Variants in WDR37 observed in about 807,000 individuals in gnomAD.
WDR37 encodes WD repeat domain 37.
Under a neutral mutation model 62.9 loss-of-function variants are expected in WDR37, and 19 were observed. The ratio of observed to expected loss-of-function variants is 0.30; its 90% confidence interval spans 0.21 to 0.44. WDR37 has a LOEUF of 0.44. Ranked by LOEUF, WDR37 falls within the 20% of genes least tolerant of loss-of-function variation. The pLI is 1.00. For synonymous variants in WDR37, 250 were observed against 260.9 expected, an observed-to-expected ratio of 0.96 and a Z score of 0.40; for missense variants, 474 against 657.6, an observed-to-expected ratio of 0.72 and a Z score of 3.05.
At chr10:1,113,943 A>T (rs543365882) in intron 11 of WDR37, among the ~76,000 whole-genome samples, 1 of 121,768 alleles carries the variant, frequency 8.2e-6, no homozygotes, top group East Asian at 2.4e-4. Flanking sequence ...AATTGTGGGT[A>T]AAATGCCTTT....
intron 1 of WDR37, among the ~76,000 whole-genome samples, chr10:1,068,086 C>G (rs1227230528): frequency 6.6e-6 from 1 of 151,656 alleles, no homozygotes; most frequent in Non-Finnish European, 1.5e-5. Context: ...GAGTCGGGGG[C>G]GGAGGGAGGA....
At chr10:1,096,513 G>A (rs1165306140) in intron 9 of WDR37, 3 of 485,824 alleles carry the variant, frequency 6.2e-6, no homozygotes, top group South Asian at 2.9e-5. Context: ...TGTCACGTAA[G>A]AGCAGAGCCA....
chr10:1,056,692 C>T lies in WDR37; in HGVS notation c.-317C>T. On this transcript the variant is annotated 5_prime_UTR_variant, in exon 1 of 14. Transcript: ENST00000263150. ...AGCGCGCCCAGACCCCTCGGGGCTG[C>T]GGGGCGGAAGCCGGGGCGTGACTTC... 6.6e-6 allele frequency: 1 copy of T among 152,406 alleles called. No individual in the cohort carries two copies. The highest frequency in any genetic ancestry group is 1.5e-5 in the Non-Finnish European group (1 of 68,088). 9.4% of individuals were successfully genotyped at this position (152,406 alleles called of 1,614,324 possible).
chr10:1,104,624 A>ATT (rs747970404), intron 10 of WDR37, among the ~76,000 whole-genome samples: 7 of 151,968 alleles, frequency 4.6e-5, no homozygotes, highest in Non-Finnish European at 1.0e-4. Context: ...ATCTCATCCT[A>ATT]TTTACAGGCT....
At chr10:1,099,788 A>T (rs982556760) in intron 9 of WDR37, among the ~76,000 whole-genome samples, 2 of 150,734 alleles carry the variant, frequency 1.3e-5, no homozygotes, top group Non-Finnish European at 2.9e-5. Flanking sequence ...GTGAGCATTG[A>T]TGCTTAGGAA....
chr10:1,072,318 T>TATTG (rs1266544530), intron 2 of WDR37, 25 bp downstream of exon 2: 9 of 1,605,416 alleles, frequency 5.6e-6, no homozygotes, highest in Non-Finnish European at 7.7e-6. Flanking sequence ...ATTAGGGCCT[T>TATTG]ATTGATTGAT....
Position 1,084,310 on chromosome 10 carries a change from A to G in WDR37, c.397-93A>G, listed in dbSNP as rs534369993. 212 of 1,489,292 alleles carry G rather than the reference A, an allele frequency of 1.4e-4. 2 individuals are homozygous for G. The South Asian group carries it at 1.7e-3, about 12-fold the overall frequency. The allele number at this position is 1,489,292 out of a possible 1,614,324, so 92.3% of individuals were successfully genotyped here. A position where few individuals can be genotyped will look rare whatever the true frequency, so the allele number is the denominator to read the frequency against. On this transcript the variant is annotated intron_variant, in intron 5 of 13. Coordinates refer to ENST00000263150, the MANE Select transcript of WDR37 (RefSeq NM_014023.4). ...AACTGTCCTAGTCAGTGATTTGTGCATTTTCCAAGACGTCTTTTTCGTTTT... is the reference window on the plus strand; with the variant it reads ...AACTGTCCTAGTCAGTGATTTGTGCGTTTTCCAAGACGTCTTTTTCGTTTT...
chr10:1,088,091 C>G (rs1258688253), intron 7 of WDR37, among the ~76,000 whole-genome samples: 1 of 152,182 alleles, frequency 6.6e-6, no homozygotes, highest in Non-Finnish European at 1.5e-5. Context: ...CCGCAGCTCC[C>G]TCACCTCTCA....
chr10:1,102,135 A>T (rs562127411), intron 9 of WDR37, among the ~76,000 whole-genome samples: 9 of 146,940 alleles, frequency 6.1e-5, no homozygotes, highest in Non-Finnish European at 1.2e-4. Flanking sequence ...CGTCCCTGTG[A>T]CGTGGGAACC....
At chr10:1,092,450 A>G (rs1481450285) in intron 7 of WDR37, among the ~76,000 whole-genome samples, 1 of 151,382 alleles carries the variant, frequency 6.6e-6, no homozygotes. Context: ...GCTCACTGCA[A>G]GCTCTGCCCC....
intron 2 of WDR37, chr10:1,074,496 G>A: frequency 7.7e-7 from 1 of 1,304,454 alleles, no homozygotes; most frequent in Non-Finnish European, 1.0e-6. Context: ...AGTGGGACCG[G>A]TCAGCATGTT....
chr10:1,089,651 G>A (rs375763886), intron 7 of WDR37, among the ~76,000 whole-genome samples: 885 of 29,230 alleles, frequency 0.03, 13 homozygotes, highest in African/African-American at 0.06. Flanking sequence ...CAGCCTTCCC[G>A]TGCTCACCCG....
intron 11 of WDR37, among the ~76,000 whole-genome samples, chr10:1,112,286 A>G (rs1383933665): frequency 1.3e-5 from 2 of 152,146 alleles, no homozygotes; most frequent in Admixed American, 1.3e-4. Context: ...AACTGTTATA[A>G]TTGGTTTTGA....
intron 5 of WDR37, among the ~76,000 whole-genome samples, chr10:1,081,811 A>G (rs1337083109): frequency 6.6e-6 from 1 of 152,148 alleles, no homozygotes; most frequent in Non-Finnish European, 1.5e-5. Flanking sequence ...TCTGGTGTGT[A>G]CAGTTGTATA....
chr10:1,067,791 A>G lies in WDR37; in HGVS notation c.-40-4325A>G, dbSNP rs185034967. 1.8e-3 allele frequency among the ~76,000 whole-genome samples: 281 copies of G among 152,334 alleles called. 1 individual carries two copies. Among genetic ancestry groups the G allele is most frequent in the African/African-American group, 6.5e-3 (270 of 41,582 alleles). On this transcript the variant is annotated intron_variant, in intron 1 of 13. Coordinates refer to ENST00000263150, the MANE Select transcript of WDR37 (RefSeq NM_014023.4). Reference sequence around the variant, plus strand: ...GCAGGTATACACAGCACTGTTCACAATAGCAAAGGTATGGAATCAACCTAA... The same window carrying G: ...GCAGGTATACACAGCACTGTTCACAGTAGCAAAGGTATGGAATCAACCTAA...
Position 1,105,054 on chromosome 10 carries a change from G to C in WDR37, c.962-72G>C. 6.4e-7 allele frequency: 1 copy of C among 1,570,540 alleles called. No individual in the cohort carries two copies. Among genetic ancestry groups the C allele is most frequent in the Admixed American group, 1.7e-5 (1 of 57,938 alleles). On this transcript the variant is annotated intron_variant, in intron 10 of 13. Coordinates refer to ENST00000263150, the MANE Select transcript of WDR37 (RefSeq NM_014023.4). This position sits in a 1 kb window ranked among gnomAD's most constrained non-coding sequence, Gnocchi z 5.3. The stretch of plus-strand genomic sequence containing the variant: ...CAGAGAGACGGCTTCTTGGGTTCTT[G>C]TGCTGTTGAAAAGCGTCTCTCTCAG...
At chr10:1,107,722 T>C (rs1269883538) in intron 11 of WDR37, among the ~76,000 whole-genome samples, 7 of 151,654 alleles carry the variant, frequency 4.6e-5, no homozygotes, top group African/African-American at 1.5e-4. Context: ...GCTGTCTCTC[T>C]TTACACATGT....
intron 11 of WDR37, among the ~76,000 whole-genome samples, chr10:1,116,794 G>A (rs887213520): frequency 6.6e-5 from 10 of 152,192 alleles, no homozygotes; most frequent in African/African-American, 2.4e-4. Context: ...TGTTTCCTTT[G>A]TATTAGTTAG....
chr10:1,095,491 A>T (rs1029447562), intron 8 of WDR37, among the ~76,000 whole-genome samples: 8 of 152,144 alleles, frequency 5.3e-5, no homozygotes, highest in Admixed American at 5.2e-4. Flanking sequence ...CGGGCAGTAC[A>T]TTCATTTGCA....
Sources: allele counts gnomAD v4.1 joint callset (sites outside exome capture counted in the v4.1 genomes callset), GRCh38; gene constraint gnomAD v4.1.1; non-coding constraint Gnocchi (gnomAD v3.1); transcripts MANE v1.5; gene names NCBI Gene and HGNC (gene_info 2026-07-23, HGNC 2026-07-21).